The following NPAS3 variants were observed in gnomAD, a reference collection of about 807,000 sequenced individuals.
The protein encoded by NPAS3 is neuronal PAS domain-containing protein 3.
Under a neutral mutation model 73.1 loss-of-function variants are expected in NPAS3, and 14 were observed. The ratio of observed to expected loss-of-function variants is 0.19; its 90% CI spans 0.13 to 0.30. The LOEUF is 0.30. Among genes scored for constraint, NPAS3 ranks in the 10% least tolerant of loss-of-function variants. The probability of loss-of-function intolerance (pLI) is 1.00; values close to 1 mark genes in which losing one functional copy is unlikely to be tolerated. For missense variants in NPAS3, 1,096 were observed against 1,250.0 expected (o/e 0.88, Z 1.86); for synonymous variants, 620 against 541.5 (o/e 1.14, Z -2.01).
At position 33,552,895 on chromosome 14, in the gene NPAS3, C is replaced by T. The variant is rs796162860; in HGVS notation, c.469-7226C>T. Among the ~76,000 whole-genome samples the T allele has an allele frequency of 4.6e-5, 7 of 152,252 alleles. 1 individual carries two copies. Among genetic ancestry groups the T allele is most frequent in the African/African-American group, 1.7e-4 (7 of 41,550 alleles). ...ACAGTAAGGAATGAGCCCTTAGATT[C>T]GGAAGTCTACCGTTCAGTAATTTAA... On this transcript the variant is annotated intron_variant, in intron 4 of 11. Transcript: ENST00000356141.
chr14:33,376,825 T>C (rs1311318170), intron 4 of NPAS3, among the ~76,000 whole-genome samples: 1 of 152,224 alleles, frequency 6.6e-6, no homozygotes, highest in East Asian at 1.9e-4. Context: ...GTGAAAGTTT[T>C]CCTGGCTGGC....
At chr14:33,724,153 A>C (rs2061195913) in intron 6 of NPAS3, among the ~76,000 whole-genome samples, 1 of 152,190 alleles carries the variant, frequency 6.6e-6, no homozygotes, top group Admixed American at 6.5e-5. Context: ...AAAAGGCAAA[A>C]AAATGGGATG....
intron 9 of NPAS3, among the ~76,000 whole-genome samples, chr14:33,791,820 C>T (rs55960392): frequency 0.39 from 59,875 of 152,048 alleles, 12,042 homozygotes; most frequent in East Asian, 0.53. Flanking sequence ...CTGATCTGGC[C>T]TGCCATCTCA....
At chr14:33,729,915 T>C (rs2061360654) in intron 6 of NPAS3, among the ~76,000 whole-genome samples, 1 of 152,208 alleles carries the variant, frequency 6.6e-6, no homozygotes, top group African/African-American at 2.4e-5. Flanking sequence ...TCCTCTGGGA[T>C]AATTTCTATG....
chr14:33,286,467 T>C (rs1245622889), intron 3 of NPAS3, among the ~76,000 whole-genome samples: 1 of 152,222 alleles, frequency 6.6e-6, no homozygotes, highest in African/African-American at 2.4e-5. Context: ...AATGGCATTG[T>C]GCTGTGTTCA....
chr14:33,311,267 A>G (rs2042991067), intron 3 of NPAS3, among the ~76,000 whole-genome samples: 1 of 152,180 alleles, frequency 6.6e-6, no homozygotes, highest in Non-Finnish European at 1.5e-5. Context: ...TCTGAAAACC[A>G]TATGAACAGT....
chr14:33,001,272 C>G (rs2038796078), intron 1 of NPAS3, among the ~76,000 whole-genome samples: 1 of 152,108 alleles, frequency 6.6e-6, no homozygotes, highest in Non-Finnish European at 1.5e-5. Flanking sequence ...ATGGGGCCAG[C>G]TTGGAAGTAA....
intron 6 of NPAS3, among the ~76,000 whole-genome samples, chr14:33,729,962 C>T (rs1014032436): frequency 2.6e-5 from 4 of 152,096 alleles, no homozygotes; most frequent in African/African-American, 4.8e-5. Context: ...TCCTGCTTTT[C>T]GGAAACTAGG....
intron 2 of NPAS3, among the ~76,000 whole-genome samples, chr14:33,084,681 A>G (rs1207729361): frequency 6.6e-6 from 1 of 152,118 alleles, no homozygotes; most frequent in East Asian, 1.9e-4. Flanking sequence ...ACAAGAGAGG[A>G]GGTCGGCAGG....
intron 4 of NPAS3, among the ~76,000 whole-genome samples, chr14:33,484,302 T>A (rs1261226985): frequency 2.0e-5 from 3 of 152,138 alleles, no homozygotes; most frequent in Non-Finnish European, 4.4e-5. Context: ...TGGGCCCTTG[T>A]CTTTCTAGCC....
At chr14:33,696,609 T>C (rs1234696927) in intron 6 of NPAS3, among the ~76,000 whole-genome samples, 3 of 152,184 alleles carry the variant, frequency 2.0e-5, no homozygotes, top group African/African-American at 4.8e-5. Flanking sequence ...TAATACCATA[T>C]CCATAGCAGC....
At chr14:33,735,458 C>A in intron 7 of NPAS3, 126 bp downstream of exon 7, 1 of 698,278 alleles carries the variant, frequency 1.4e-6, no homozygotes, top group Non-Finnish European at 2.6e-6. Context: ...CCATAGGATT[C>A]CCAGTCATCT....
intron 6 of NPAS3, among the ~76,000 whole-genome samples, chr14:33,714,252 C>A (rs2060899387): frequency 6.6e-6 from 1 of 152,056 alleles, no homozygotes; most frequent in African/African-American, 2.4e-5. Context: ...ATCTAGCACA[C>A]TAGATCTTTT....
chr14:33,689,557 C>G (rs1013052882), intron 6 of NPAS3, among the ~76,000 whole-genome samples: 2 of 152,104 alleles, frequency 1.3e-5, no homozygotes, highest in Admixed American at 1.3e-4. Flanking sequence ...GGTCCAAATG[C>G]TACACAAATC....
At chr14:33,722,404 T>C (rs986581352) in intron 6 of NPAS3, among the ~76,000 whole-genome samples, 1 of 152,188 alleles carries the variant, frequency 6.6e-6, no homozygotes, top group African/African-American at 2.4e-5. Flanking sequence ...GCTATATAAA[T>C]GGATTTTTTT....
rs1176606241 is a variant in NPAS3 at position 33,683,427 on chromosome 14, CAAAAAA to C, written c.733+7061_733+7066del. 4.3e-3 allele frequency among the ~76,000 whole-genome samples: 330 copies of C among 77,532 alleles called. 1 individual carries two copies. Among genetic ancestry groups the C allele is most frequent in the African/African-American group, 0.012 (248 of 20,222 alleles). The allele number at this position is 77,532 out of a possible 152,430, so 50.9% of individuals were successfully genotyped here. A position where few individuals can be genotyped will look rare whatever the true frequency, so the allele number is the denominator to read the frequency against. Reference sequence around the variant, plus strand: ...AATTATGACCTGTTTTTCCTCATTTCAAAAAAAAAAAAAAAAAAAAAAAAGGTGGCC... The same window carrying C: ...AATTATGACCTGTTTTTCCTCATTTCAAAAAAAAAAAAAAAAAAGGTGGCC... On this transcript the variant is annotated intron_variant, in intron 6 of 11. Transcript: ENST00000356141.
intron 4 of NPAS3, among the ~76,000 whole-genome samples, chr14:33,417,717 T>C (rs1224888559): frequency 6.6e-6 from 1 of 151,928 alleles, no homozygotes; most frequent in Non-Finnish European, 1.5e-5. Context: ...AGGATAACTT[T>C]TGTAAGTTAT....
rs1323544907 is a variant in NPAS3 at position 33,473,469 on chromosome 14, A to G, written c.469-86652A>G. Among the ~76,000 whole-genome samples, 3 of 152,234 alleles carry G rather than the reference A, an allele frequency of 2.0e-5. No homozygotes were observed. The East Asian group carries it at 5.8e-4, about 29-fold the overall frequency. On this transcript the variant is annotated intron_variant, in intron 4 of 11. Transcript: ENST00000356141. The stretch of plus-strand genomic sequence containing the variant: ...GAGAGAACAAAGTAATAATTAAAAA[A>G]TAATTTTCCAGAGATTTATTCATTC...
At chr14:33,159,593 G>A (rs1005191532) in intron 2 of NPAS3, among the ~76,000 whole-genome samples, 8 of 130,628 alleles carry the variant, frequency 6.1e-5, no homozygotes, top group South Asian at 2.4e-4. Context: ...TTGCTCTGTC[G>A]CCCAGGCTGG....
Sources: allele counts gnomAD v4.1 joint callset (sites outside exome capture counted in the v4.1 genomes callset), GRCh38; gene constraint gnomAD v4.1.1; transcripts MANE v1.5; gene names NCBI Gene and HGNC (gene_info 2026-07-23, HGNC 2026-07-21).